Variants in ADCY5 observed in about 807,000 individuals in gnomAD.
ADCY5 encodes adenylate cyclase 5.
ADCY5 carries 30 observed loss-of-function variants against 119.7 expected under a neutral mutation model. The observed-to-expected ratio is 0.25, with a 90% CI of 0.19 to 0.34. The LOEUF is 0.34. ADCY5 is among the 10% of genes least tolerant of loss of function. The pLI is 1.00. For synonymous variants in ADCY5, 753 were observed against 762.2 expected, an observed-to-expected ratio of 0.99 and a Z score of 0.20; for missense variants, 1,324 against 1,775.2, an observed-to-expected ratio of 0.75 and a Z score of 4.57.
intron 1 of ADCY5, among the ~76,000 whole-genome samples, chr3:123,429,618 G>C (rs1323106038): frequency 6.6e-6 from 1 of 152,094 alleles, no homozygotes; most frequent in Non-Finnish European, 1.5e-5. Context: ...ACAAGTGACA[G>C]AGCAACAGAA....
rs1945873464 is a variant in ADCY5 at position 123,448,527 on chromosome 3, C to A, written c.19G>T (p.Val7Leu). The change falls in exon 1 of 21, where the codon GTG becomes TTG. Residue 7 changes from valine to leucine, a missense_variant. Val to Leu is a conservative substitution (Grantham distance 32). Transcript: ENST00000462833. MSGSKSVSPPGYAAQKT... is the reference protein window; with the variant it reads MSGSKSLSPPGYAAQKT... The stretch of plus-strand genomic sequence containing the variant: ...TGCGCCGCGTAGCCCGGGGGGCTCA[C>A]GCTTTTGGAGCCGGACATCCCCCCC... The A allele has an allele frequency of 7.9e-7, 1 of 1,264,738 alleles. No homozygotes were observed. Among genetic ancestry groups the A allele is most frequent in the South Asian group, 2.9e-5 (1 of 34,748 alleles). The allele number at this position is 1,264,738 out of a possible 1,614,324, so 78.3% of individuals were successfully genotyped here. A position where few individuals can be genotyped will look rare whatever the true frequency, so the allele number is the denominator to read the frequency against.
At chr3:123,419,340 C>T (rs572232107) in intron 1 of ADCY5, 350 of 308,532 alleles carry the variant, frequency 1.1e-3, no homozygotes, top group African/African-American at 3.7e-3. Context: ...TCATCTTCCA[C>T]GCCTCCTCTT....
At chr3:123,386,340 A>G (rs60957616) in intron 1 of ADCY5, among the ~76,000 whole-genome samples, 72,577 of 151,980 alleles carry the variant, frequency 0.48, 18,134 homozygotes, top group East Asian at 0.68. Flanking sequence ...CCCACGGCAT[A>G]CCAGTGGCTC....
chr3:123,350,180 G>A (rs1402768944), intron 2 of ADCY5, among the ~76,000 whole-genome samples: 2 of 152,174 alleles, frequency 1.3e-5, no homozygotes, highest in African/African-American at 4.8e-5. Context: ...CCAGGAGGAG[G>A]TCCAATTCTG....
chr3:123,352,483 G>A lies in ADCY5; in HGVS notation c.1233C>T (p.Thr411=). 6.2e-7 allele frequency: 1 copy of A among 1,613,994 alleles called. No homozygotes were observed. The highest frequency in any genetic ancestry group is 8.5e-7 in the Non-Finnish European group (1 of 1,179,966). Reference sequence around the variant, plus strand: ...GGAGCCGCGCCTGGATGCACTCTCGGGTCTCCTGGAAAGCCTGTCTCTGGG... The same window carrying A: ...GGAGCCGCGCCTGGATGCACTCTCGAGTCTCCTGGAAAGCCTGTCTCTGGG... The part of the protein sequence containing the change: ...EVSQRQAFQE[T]RECIQARLHS... The change falls in exon 2 of 21, where the codon ACC becomes ACT. Residue 411 remains threonine (T), a synonymous_variant. Transcript: ENST00000462833. This position sits in a 1 kb window ranked among gnomAD's most constrained non-coding sequence, Gnocchi z 4.8.
intron 12 of ADCY5, among the ~76,000 whole-genome samples, chr3:123,308,383 A>G (rs1275953080): frequency 6.6e-6 from 1 of 152,114 alleles, no homozygotes; most frequent in East Asian, 1.9e-4. Flanking sequence ...TTAAAACCTC[A>G]GTAGGAACTC....
intron 1 of ADCY5, among the ~76,000 whole-genome samples, chr3:123,435,852 T>TTAA (rs1945601254): frequency 6.2e-5 from 2 of 32,058 alleles, no homozygotes; most frequent in Non-Finnish European, 6.0e-5. Context: ...AAGAGCCCTT[T>TTAA]TATTATTATT....
chr3:123,306,332 C>CA (rs200866772), intron 12 of ADCY5, among the ~76,000 whole-genome samples: 20 of 152,034 alleles, frequency 1.3e-4, no homozygotes, highest in Non-Finnish European at 2.6e-4. Flanking sequence ...TATCCACATG[C>CA]AAAAAATGAA....
In ADCY5 at chr3:123,284,036, C is replaced by T. The variant is rs866985465; in HGVS notation, c.*572G>A. ...CCCTCGTAATTAGTTCTGTTTCCCT[C>T]CTAGGGCACTGTCTGTGTGCGTGGA... On this transcript the variant is annotated 3_prime_UTR_variant, in exon 21 of 21. Coordinates refer to ENST00000462833, the MANE Select transcript of ADCY5 (RefSeq NM_183357.3). The T allele has an allele frequency of 6.6e-6, 1 of 152,456 alleles. No homozygotes were observed. The highest frequency in any genetic ancestry group is 2.4e-5 in the African/African-American group (1 of 41,458). The allele number at this position is 152,456 out of a possible 1,614,324, so 9.4% of individuals were successfully genotyped here.
rs143848410 is a variant in ADCY5 at position 123,407,290 on chromosome 3, C to T, written c.1134+40122G>A. On this transcript the variant is annotated intron_variant, in intron 1 of 20. Coordinates refer to ENST00000462833, the MANE Select transcript of ADCY5 (RefSeq NM_183357.3). ...TCCTGAGATGCCCTCTCTTCTTAAA[C>T]ATGCATCACACTTCAGCAACCAGCA... 2.0e-4 allele frequency among the ~76,000 whole-genome samples: 31 copies of T among 152,312 alleles called. No individual in the cohort carries two copies. In the East Asian group the frequency reaches 5.6e-3, roughly 27 times the overall value.
At chr3:123,405,233 T>C (rs1357242461) in intron 1 of ADCY5, among the ~76,000 whole-genome samples, 1 of 152,234 alleles carries the variant, frequency 6.6e-6, no homozygotes, top group Non-Finnish European at 1.5e-5. Flanking sequence ...CTGGTTTTCA[T>C]GCCAAGGGAC....
intron 20 of ADCY5, among the ~76,000 whole-genome samples, chr3:123,285,743 T>C (rs1938705719): frequency 6.6e-6 from 1 of 152,196 alleles, no homozygotes; most frequent in East Asian, 1.9e-4. Context: ...GAAACACACA[T>C]GCCCCTTGCT....
At chr3:123,355,231 G>C (rs745513243) in intron 1 of ADCY5, among the ~76,000 whole-genome samples, 34 of 152,062 alleles carry the variant, frequency 2.2e-4, no homozygotes, top group African/African-American at 8.2e-4. Flanking sequence ...AAAACTACCA[G>C]AATTAATATG....
At position 123,289,952 on chromosome 3, in the gene ADCY5, G is replaced by T; in HGVS notation, c.3330C>A (p.Ile1110=). Residue 1110 remains isoleucine (I), a splice_region_variant and synonymous_variant, in exon 19 of 21, where the codon ATC becomes ATA. Transcript: ENST00000462833. ...GCTGCCGGAACCGATCCTCGCTGAT[G>T]ATCTGGATGAAGGAGGCCAAACCTG... The part of the protein sequence containing the change: ...LNEIIADFDE[I]ISEDRFRQLE... 3 of 1,614,094 alleles carry T rather than the reference G, an allele frequency of 1.9e-6. No individual in the cohort carries two copies. In the South Asian group the frequency reaches 3.3e-5, roughly 18 times the overall value.
chr3:123,337,551 A>G (rs1371968452), intron 3 of ADCY5, among the ~76,000 whole-genome samples: 1 of 152,192 alleles, frequency 6.6e-6, no homozygotes, highest in East Asian at 1.9e-4. Context: ...TAGCTTCTGG[A>G]GGCAGCCGCC....
intron 1 of ADCY5, among the ~76,000 whole-genome samples, chr3:123,419,807 C>T (rs1945263960): frequency 6.6e-6 from 1 of 152,126 alleles, no homozygotes; most frequent in Non-Finnish European, 1.5e-5. Context: ...TCCAGCTCTC[C>T]CCAGCTGCTG....
chr3:123,296,357 TTGCC>T, intron 16 of ADCY5, 141 bp from the exon 17 acceptor site: 1 of 1,021,742 alleles, frequency 9.8e-7, no homozygotes, highest in Non-Finnish European at 1.4e-6. Context: ...TGCTCAAACT[TTGCC>T]GCACGCGTGC....
At chr3:123,304,301 C>T in intron 12 of ADCY5, 118 bp from the exon 13 acceptor site, 1 of 693,674 alleles carries the variant, frequency 1.4e-6, no homozygotes, top group South Asian at 1.7e-5. Flanking sequence ...CCCAGCATGA[C>T]CCCTGGGCCT....
chr3:123,323,628 TCA>T (rs1300462126), intron 8 of ADCY5, among the ~76,000 whole-genome samples: 9 of 151,900 alleles, frequency 5.9e-5, no homozygotes, highest in Admixed American at 3.3e-4. Context: ...GTCCCTGCTC[TCA>T]GTCCTTCCCC....
Sources: allele counts gnomAD v4.1 joint callset (sites outside exome capture counted in the v4.1 genomes callset), GRCh38; gene constraint gnomAD v4.1.1; non-coding constraint Gnocchi (gnomAD v3.1); transcripts MANE v1.5; gene names NCBI Gene and HGNC (gene_info 2026-07-23, HGNC 2026-07-21).